The following CEMIP2 variants were observed in gnomAD, a reference collection of about 807,000 sequenced individuals.
CEMIP2 encodes the protein cell surface hyaluronidase CEMIP2.
Under a neutral mutation model 146.9 loss-of-function variants are expected in CEMIP2, and 79 were observed. The observed-to-expected ratio is 0.54, with a 90% CI of 0.45 to 0.65. The LOEUF (loss-of-function observed/expected upper bound fraction) is 0.65. CEMIP2 is among the 30% of genes least tolerant of loss of function. The pLI, the probability that CEMIP2 is intolerant of heterozygous loss-of-function variation, is 0.00. For synonymous variants in CEMIP2, 601 were observed against 606.3 expected (o/e 0.99, Z 0.13); for missense variants, 1,596 against 1,696.2 (o/e 0.94, Z 1.04).
At chr9:71,727,224 T>C (rs1823412498) in intron 10 of CEMIP2, among the ~76,000 whole-genome samples, 1 of 152,172 alleles carries the variant, frequency 6.6e-6, no homozygotes, top group African/African-American at 2.4e-5. Context: ...TCTCGGCAAT[T>C]TGCTTTAATC....
chr9:71,746,374 T>G lies in CEMIP2; in HGVS notation c.332-33A>C, dbSNP rs1326182419. The G allele has an allele frequency of 3.1e-6, 5 of 1,610,912 alleles. No homozygotes were observed. The Admixed American group carries it at 8.4e-5, about 27-fold the overall frequency. ...CACATTGATATTCCATCCAACCCAT[T>G]AAAATGCAGGAATAATATAGCCGAA... On this transcript the variant is annotated intron_variant, in intron 2 of 23. Transcript: ENST00000377044.
intron 1 of CEMIP2, among the ~76,000 whole-genome samples, chr9:71,756,692 CTA>C (rs1824471915): frequency 6.6e-6 from 1 of 152,022 alleles, no homozygotes; most frequent in Non-Finnish European, 1.5e-5. Flanking sequence ...CAAAAAAAGT[CTA>C]TGTGTTAATT....
intron 4 of CEMIP2, 100 bp downstream of exon 4, chr9:71,744,918 T>C: frequency 7.6e-7 from 1 of 1,313,676 alleles, no homozygotes; most frequent in Non-Finnish European, 1.0e-6. Context: ...GCCCTTCTGA[T>C]GCCTGAGTCA....
intron 1 of CEMIP2, among the ~76,000 whole-genome samples, chr9:71,755,382 A>ACACACAC (rs1564027281): frequency 1.1e-5 from 1 of 92,874 alleles, no homozygotes; most frequent in Non-Finnish European, 2.2e-5. Flanking sequence ...CACACACACA[A>ACACACAC]AATTAAATCA....
chr9:71,709,184 G>C, intron 17 of CEMIP2, 75 bp downstream of exon 17: 2 of 1,362,558 alleles, frequency 1.5e-6, no homozygotes, highest in South Asian at 2.4e-5. Context: ...CTGAAAAGCT[G>C]AAGAGTACTT....
chr9:71,711,023 TGCCTGTGGGAACAGGCAGCTA>T (rs1822890706), intron 16 of CEMIP2, among the ~76,000 whole-genome samples: 1 of 152,190 alleles, frequency 6.6e-6, no homozygotes. Flanking sequence ...CAGGTGTGGC[TGCCTGTGGGAACAGGCAGCTA>T]GATGTCCTGA....
At chr9:71,733,548 T>C (rs944351984) in intron 6 of CEMIP2, among the ~76,000 whole-genome samples, 3 of 152,206 alleles carry the variant, frequency 2.0e-5, no homozygotes, top group African/African-American at 7.2e-5. Flanking sequence ...CCAATCACTA[T>C]TTTTTTCTAA....
intron 12 of CEMIP2, 56 bp downstream of exon 12, chr9:71,722,371 A>G: frequency 7.5e-7 from 1 of 1,339,048 alleles, no homozygotes; most frequent in Non-Finnish European, 1.0e-6. Context: ...CTCCAGTTAG[A>G]AAGTTTTGCT....
chr9:71,709,306 T>C lies in CEMIP2; in HGVS notation c.2938A>G (p.Asn980Asp). The C allele has an allele frequency of 6.2e-7, 1 of 1,614,114 alleles. No individual in the cohort carries two copies. The stretch of plus-strand genomic sequence containing the variant: ...ATCACTGCATTCCACTTAGACACAT[T>C]TACACAGCTTGGATGGCGGATCAGG... ...NYLIRHPSCV[N>D]VSKWNAVICS... is the part of the protein sequence containing the mutation. Residue 980 changes from asparagine (N) to aspartate (D), a missense_variant, in exon 17 of 24, where the codon AAT (asparagine) becomes GAT (aspartate). Coordinates refer to ENST00000377044, the MANE Select transcript of CEMIP2 (RefSeq NM_013390.3).
chr9:71,724,221 G>A (rs1196205696), intron 11 of CEMIP2, among the ~76,000 whole-genome samples: 2 of 152,024 alleles, frequency 1.3e-5, no homozygotes, highest in African/African-American at 4.8e-5. Flanking sequence ...CTGAACCCAG[G>A]AGGCAGAGGT....
chr9:71,754,268 G>A (rs1021999345), intron 1 of CEMIP2, among the ~76,000 whole-genome samples: 3 of 152,164 alleles, frequency 2.0e-5, no homozygotes, highest in Non-Finnish European at 4.4e-5. Context: ...TGGAAGGCAA[G>A]TGAAATTGAC....
intron 5 of CEMIP2, among the ~76,000 whole-genome samples, chr9:71,738,724 G>A (rs1378052846): frequency 6.6e-6 from 1 of 151,952 alleles, no homozygotes; most frequent in Non-Finnish European, 1.5e-5. Context: ...TGTAACACCA[G>A]CTATTTGGGA....
At chr9:71,701,768 T>G (rs541948294) in intron 18 of CEMIP2, among the ~76,000 whole-genome samples, 61 of 152,270 alleles carry the variant, frequency 4.0e-4, no homozygotes, top group African/African-American at 1.4e-3. Context: ...ATTTCCACTT[T>G]TTATCATTTT....
chr9:71,734,050 A>G (rs80088142), intron 6 of CEMIP2, among the ~76,000 whole-genome samples: 2,443 of 152,072 alleles, frequency 0.016, 66 homozygotes, highest in African/African-American at 0.055. Flanking sequence ...GTTTCACCGT[A>G]TGGGCCGGGC....
chr9:71,727,925 G>A (rs909320022), intron 10 of CEMIP2, among the ~76,000 whole-genome samples: 1 of 152,074 alleles, frequency 6.6e-6, no homozygotes, highest in Non-Finnish European at 1.5e-5. Flanking sequence ...GCCAGCCGTG[G>A]TGGCAGGGGC....
intron 16 of CEMIP2, 78 bp downstream of exon 16, chr9:71,712,005 G>C: frequency 6.7e-7 from 1 of 1,489,054 alleles, no homozygotes; most frequent in Non-Finnish European, 9.2e-7. Context: ...CAAATCCTTT[G>C]CGTTTTTGTC....
chr9:71,761,040 G>A (rs1163926244), intron 1 of CEMIP2, among the ~76,000 whole-genome samples: 2 of 152,250 alleles, frequency 1.3e-5, no homozygotes, highest in African/African-American at 4.8e-5. Context: ...AGATTCAAGA[G>A]AGGCTTCCAA....
chr9:71,750,420 T>C (rs767516634), intron 1 of CEMIP2, 35 bp from the exon 2 acceptor site: 1 of 1,399,624 alleles, frequency 7.1e-7, no homozygotes, highest in Non-Finnish European at 9.6e-7. Flanking sequence ...CTTCAGTATG[T>C]GTAAATTCTT....
chr9:71,736,547 G>A (rs939708465), intron 5 of CEMIP2, among the ~76,000 whole-genome samples: 1 of 152,112 alleles, frequency 6.6e-6, no homozygotes, highest in Admixed American at 6.5e-5. Flanking sequence ...GTAATCTAAT[G>A]ACTACTAATT....
Sources: allele counts gnomAD v4.1 joint callset (sites outside exome capture counted in the v4.1 genomes callset), GRCh38; gene constraint gnomAD v4.1.1; transcripts MANE v1.5; gene names NCBI Gene and HGNC (gene_info 2026-07-23, HGNC 2026-07-21).